The following AGAP1 variants were observed in gnomAD, a reference collection of about 807,000 sequenced individuals.
The protein encoded by AGAP1 is ArfGAP with GTPase domain, ankyrin repeat and PH domain 1, also known as arf-GAP with GTPase, ANK repeat and PH domain-containing protein 1.
In AGAP1, 29 loss-of-function variants were observed where a neutral mutation model predicts 105.3. That is an observed-to-expected ratio of 0.28 (90% CI 0.21 to 0.38). The LOEUF is 0.38. Among genes scored for constraint, AGAP1 ranks in the 10% least tolerant of loss-of-function variants. The pLI, the probability that AGAP1 is intolerant of heterozygous loss-of-function variation, is 1.00. For synonymous variants in AGAP1, 509 were observed against 485.9 expected (o/e 1.05, Z -0.63); for missense variants, 998 against 1,165.1 (o/e 0.86, Z 2.09).
In AGAP1 at chr2:235,734,304, A is replaced by G. The variant is rs1412230152; in HGVS notation, c.311-6659A>G. Among the ~76,000 whole-genome samples, 1 of 152,306 alleles carries G rather than the reference A, an allele frequency of 6.6e-6. No individual in the cohort carries two copies. Among genetic ancestry groups the G allele is most frequent in the African/African-American group, 2.4e-5 (1 of 41,570 alleles). Reference sequence around the variant, plus strand: ...GAAAGGGACCCAGGACCTGCCAGCCATGCTCCTCCTGTCTTTCTCCCTTCC... The same window carrying G: ...GAAAGGGACCCAGGACCTGCCAGCCGTGCTCCTCCTGTCTTTCTCCCTTCC... On this transcript the variant is annotated intron_variant, in intron 3 of 17. Transcript: ENST00000304032. This position sits in a 1 kb window ranked among gnomAD's most constrained non-coding sequence, Gnocchi z 5.3.
At chr2:235,797,925 A>G (rs750148772) in intron 7 of AGAP1, 39 bp downstream of exon 7, 1 of 1,610,426 alleles carries the variant, frequency 6.2e-7, no homozygotes, top group East Asian at 2.2e-5. Context: ...TCTTAGAACC[A>G]AAGACAATAT....
chr2:235,579,992 C>T (rs1944874917), intron 1 of AGAP1, among the ~76,000 whole-genome samples: 1 of 151,524 alleles, frequency 6.6e-6, no homozygotes, highest in Admixed American at 6.5e-5. Flanking sequence ...ATAAACAGAA[C>T]CATACAACAT....
At chr2:235,670,179 C>T (rs1437997230) in intron 1 of AGAP1, 12 of 583,996 alleles carry the variant, frequency 2.1e-5, no homozygotes, top group Non-Finnish European at 1.6e-5. Flanking sequence ...CCCAGAAAGA[C>T]TGTCTACCGC....
intron 10 of AGAP1, among the ~76,000 whole-genome samples, chr2:235,895,683 C>T (rs2050767536): frequency 6.6e-6 from 1 of 151,302 alleles, no homozygotes; most frequent in Non-Finnish European, 1.5e-5. Context: ...TCTCTAACAT[C>T]TGGAACACTG....
intron 9 of AGAP1, among the ~76,000 whole-genome samples, chr2:235,813,581 T>G (rs956891339): frequency 1.3e-5 from 2 of 152,198 alleles, no homozygotes; most frequent in Non-Finnish European, 2.9e-5. Context: ...GGGCAGGCAG[T>G]CAGGCGGGTT....
At chr2:236,084,463 G>T (rs539098635) in intron 16 of AGAP1, among the ~76,000 whole-genome samples, 8 of 152,118 alleles carry the variant, frequency 5.3e-5, no homozygotes, top group Non-Finnish European at 1.2e-4. Flanking sequence ...AGGGGCTTCT[G>T]TGTATTTCTA....
At position 235,968,659 on chromosome 2, in the gene AGAP1, A is replaced by G. The variant is rs898032212; in HGVS notation, c.1645+36A>G. The G allele has an allele frequency of 7.6e-6, 12 of 1,573,926 alleles. No individual in the cohort carries two copies. The Admixed American group carries it at 1.4e-4, about 18-fold the overall frequency. On this transcript the variant is annotated intron_variant, in intron 13 of 17. Coordinates refer to ENST00000304032, the MANE Select transcript of AGAP1 (RefSeq NM_001037131.3). ...CGCGGTGCCCCGGGAGAGAGTCTCCACTGCGGAAAATTCTCTGTTATTTTT... is the reference window on the plus strand; with the variant it reads ...CGCGGTGCCCCGGGAGAGAGTCTCCGCTGCGGAAAATTCTCTGTTATTTTT...
At chr2:236,118,833 A>G (rs13407116) in intron 16 of AGAP1, among the ~76,000 whole-genome samples, 4,234 of 150,504 alleles carry the variant, frequency 0.028, 189 homozygotes, top group African/African-American at 0.098. Context: ...CCACCACCCT[A>G]CCTTTTTTTT....
chr2:235,972,176 A>G (rs186280480), intron 13 of AGAP1, among the ~76,000 whole-genome samples: 10 of 152,358 alleles, frequency 6.6e-5, no homozygotes, highest in East Asian at 1.9e-4. Flanking sequence ...TGTATTCTCT[A>G]TCGCCTGACC....
At chr2:235,649,573 T>C (rs139837808) in intron 1 of AGAP1, among the ~76,000 whole-genome samples, 162 of 152,278 alleles carry the variant, frequency 1.1e-3, no homozygotes, top group Non-Finnish European at 1.9e-3. Context: ...GGTCTTGCTA[T>C]GTTGCCCAGG....
chr2:236,099,228 G>A (rs1042704953), intron 16 of AGAP1, among the ~76,000 whole-genome samples: 19 of 152,004 alleles, frequency 1.2e-4, no homozygotes, highest in Admixed American at 3.9e-4. Flanking sequence ...CGAGGGAGGC[G>A]GATCATGAGG....
At chr2:235,987,261 C>A (rs926223190) in intron 13 of AGAP1, among the ~76,000 whole-genome samples, 2 of 151,940 alleles carry the variant, frequency 1.3e-5, no homozygotes, top group Non-Finnish European at 2.9e-5. Context: ...TTATCCATTT[C>A]TTCTAGATTT....
chr2:235,630,683 C>T (rs1188092110), intron 1 of AGAP1, among the ~76,000 whole-genome samples: 2 of 152,202 alleles, frequency 1.3e-5, no homozygotes, highest in Non-Finnish European at 2.9e-5. Context: ...TGCCTCAGTT[C>T]TCAAGTTAAT....
chr2:235,513,522 G>GAAAAAAAAAA (rs5839595), intron 1 of AGAP1, among the ~76,000 whole-genome samples: 1 of 73,226 alleles, frequency 1.4e-5, no homozygotes, highest in African/African-American at 6.1e-5. Flanking sequence ...CTCCGTCTCA[G>GAAAAAAAAAA]AAAAAAAAAA....
At chr2:235,909,130 A>G (rs1334817641) in intron 11 of AGAP1, among the ~76,000 whole-genome samples, 1 of 152,230 alleles carries the variant, frequency 6.6e-6, no homozygotes, top group Non-Finnish European at 1.5e-5. Flanking sequence ...TGCAAAAACC[A>G]TGCATCTAGG....
At chr2:235,545,410 G>A (rs932667056) in intron 1 of AGAP1, among the ~76,000 whole-genome samples, 4 of 152,334 alleles carry the variant, frequency 2.6e-5, no homozygotes, top group Admixed American at 1.3e-4. Flanking sequence ...CAGGGCTGGC[G>A]TGTGAGCCCT....
chr2:235,862,147 C>T (rs1437122280), intron 9 of AGAP1, among the ~76,000 whole-genome samples: 1 of 152,134 alleles, frequency 6.6e-6, no homozygotes, highest in Non-Finnish European at 1.5e-5. Flanking sequence ...GGGTGTTCAT[C>T]CATGGCTCCA....
chr2:235,696,864 A>T (rs1339699716), intron 1 of AGAP1, among the ~76,000 whole-genome samples: 2 of 151,986 alleles, frequency 1.3e-5, no homozygotes, highest in Non-Finnish European at 2.9e-5. Flanking sequence ...CACGTCTGTA[A>T]TCCTAGCTAC....
chr2:235,926,837 G>T (rs1213128161), intron 11 of AGAP1, among the ~76,000 whole-genome samples: 1 of 152,202 alleles, frequency 6.6e-6, no homozygotes, highest in Non-Finnish European at 1.5e-5. Flanking sequence ...AACCCACTCA[G>T]ATCCTTCAGA....
Sources: allele counts gnomAD v4.1 joint callset (sites outside exome capture counted in the v4.1 genomes callset), GRCh38; gene constraint gnomAD v4.1.1; non-coding constraint Gnocchi (gnomAD v3.1); transcripts MANE v1.5; gene names NCBI Gene and HGNC (gene_info 2026-07-23, HGNC 2026-07-21).